The following SLC6A3 variants were observed in gnomAD, a reference collection of about 807,000 sequenced individuals.
The protein encoded by SLC6A3 is sodium-dependent dopamine transporter.
SLC6A3 carries 19 observed loss-of-function variants against 70.4 expected under a neutral mutation model. The observed-to-expected ratio is 0.27, with a 90% CI of 0.19 to 0.40. The LOEUF (loss-of-function observed/expected upper bound fraction) is 0.40. SLC6A3 is among the 10% of genes least tolerant of loss of function. The pLI, the probability that SLC6A3 is intolerant of heterozygous loss-of-function variation, is 1.00. For synonymous variants in SLC6A3, 368 were observed against 356.6 expected, an observed-to-expected ratio of 1.03 and a Z score of -0.36; for missense variants, 613 against 838.5, an observed-to-expected ratio of 0.73 and a Z score of 3.32.
chr5:1,443,835 G>A (rs1209297454), intron 1 of SLC6A3, among the ~76,000 whole-genome samples: 3 of 151,314 alleles, frequency 2.0e-5, no homozygotes, highest in African/African-American at 7.3e-5. Flanking sequence ...CACCGGCTAA[G>A]TTATTTTTGT....
In SLC6A3 at chr5:1,396,763, G is replaced by T. The variant is rs1004693678; in HGVS notation, c.1840-2005C>A. ...GCCAGGAGAATGTCATGATTCTCGG[G>T]GATCTGCATGGGGTGTGCATAAGGT... On this transcript the variant is annotated intron_variant, in intron 14 of 14. Coordinates refer to ENST00000270349, the MANE Select transcript of SLC6A3 (RefSeq NM_001044.5). This position sits in a 1 kb window ranked among gnomAD's most constrained non-coding sequence, Gnocchi z 7.0. Among the ~76,000 whole-genome samples the T allele has an allele frequency of 6.6e-6, 1 of 152,202 alleles. No homozygotes were observed. The highest frequency in any genetic ancestry group is 1.5e-5 in the Non-Finnish European group (1 of 68,042).
At chr5:1,409,651 G>T in intron 10 of SLC6A3, 70 bp downstream of exon 10, 1 of 1,591,172 alleles carries the variant, frequency 6.3e-7, no homozygotes, top group South Asian at 1.1e-5. Context: ...GACAGTCCCA[G>T]CCAGGGCGCC....
rs182247198 is a variant in SLC6A3, at chr5:1,404,243, G to A, written c.1600-1154C>T. ...GGACTGGGATGGGGGCTGGGGTTGTGTCTGTCACGTGACCAGAGCCAGGGT... is the reference window on the plus strand; with the variant it reads ...GGACTGGGATGGGGGCTGGGGTTGTATCTGTCACGTGACCAGAGCCAGGGT... On this transcript the variant is annotated intron_variant, in intron 12 of 14. Transcript: ENST00000270349. The surrounding 1 kb of genome is among the most constrained non-coding windows in gnomAD (Gnocchi z 5.2). Among the ~76,000 whole-genome samples the A allele has an allele frequency of 8.9e-4, 136 of 152,350 alleles. 3 individuals are homozygous for A. The East Asian group carries it at 0.026, about 29-fold the overall frequency.
chr5:1,426,445 C>A (rs764037108), intron 4 of SLC6A3, among the ~76,000 whole-genome samples: 42 of 152,132 alleles, frequency 2.8e-4, no homozygotes, highest in Non-Finnish European at 5.4e-4. Context: ...GAGTCTGAGG[C>A]AGGAGGATTG....
rs376015219 is a variant in SLC6A3, at chr5:1,400,983, G to A, written c.1771C>T (p.Leu591=). Reference sequence around the variant, plus strand: ...TTCTCGGGTGCAATGGCGTAGGCCAGTTTCTGAAAGAGAAAGAGAGTGCAG... The same window carrying A: ...TTCTCGGGTGCAATGGCGTAGGCCAATTTCTGAAAGAGAAAGAGAGTGCAG... ...CSLPGSFREK[L]AYAIAPEKDR... The change falls in exon 14 of 15, where the codon CTG becomes TTG. Residue 591 remains leucine, a synonymous_variant. Coordinates refer to ENST00000270349, the MANE Select transcript of SLC6A3 (RefSeq NM_001044.5). 18 of 1,593,968 alleles carry A rather than the reference G, an allele frequency of 1.1e-5. No individual in the cohort carries two copies. Among genetic ancestry groups the A allele is most frequent in the Non-Finnish European group, 1.5e-5 (17 of 1,168,092 alleles).
At chr5:1,416,338 A>G (rs1354201769) in intron 6 of SLC6A3, 137 bp from the exon 7 acceptor site, 1 of 709,818 alleles carries the variant, frequency 1.4e-6, no homozygotes, top group East Asian at 2.7e-5. Flanking sequence ...AAATGGCAGC[A>G]GACGACTGGT....
Position 1,411,114 on chromosome 5 carries a change from G to C in SLC6A3, c.1269+129C>G. ...CCAAATAATCACGGGGCTCGCCCAAGTCAAGGACAGGAGGTCTGGGGGCCG... is the reference window on the plus strand; with the variant it reads ...CCAAATAATCACGGGGCTCGCCCAACTCAAGGACAGGAGGTCTGGGGGCCG... On this transcript the variant is annotated intron_variant, in intron 9 of 14. Coordinates refer to ENST00000270349, the MANE Select transcript of SLC6A3 (RefSeq NM_001044.5). This position sits in a 1 kb window ranked among gnomAD's most constrained non-coding sequence, Gnocchi z 6.5. 2 of 716,262 alleles carry C rather than the reference G, an allele frequency of 2.8e-6. No homozygotes were observed. Among genetic ancestry groups the C allele is most frequent in the South Asian group, 3.0e-5 (2 of 67,454 alleles). The allele number at this position is 716,262 out of a possible 1,614,324, so 44.4% of individuals were successfully genotyped here.
At chr5:1,400,886 G>A in intron 14 of SLC6A3, 29 bp downstream of exon 14, 1 of 1,520,848 alleles carries the variant, frequency 6.6e-7, no homozygotes, top group Non-Finnish European at 9.0e-7. Flanking sequence ...ATTCCCCCGA[G>A]AGAGGCCCAG....
At position 1,438,000 on chromosome 5, in the gene SLC6A3, A is replaced by G. The variant is rs1756879836; in HGVS notation, c.418+3359T>C. The stretch of plus-strand genomic sequence containing the variant: ...TGGTGTACATCTGATTTCATAAGCA[A>G]TGTCAGTCTCCTCTAAACTGGCATC... On this transcript the variant is annotated intron_variant, in intron 3 of 14. Coordinates refer to ENST00000270349, the MANE Select transcript of SLC6A3 (RefSeq NM_001044.5). This position sits in a 1 kb window ranked among gnomAD's most constrained non-coding sequence, Gnocchi z 4.8. Among the ~76,000 whole-genome samples the G allele has an allele frequency of 6.6e-6, 1 of 152,190 alleles. No individual in the cohort carries two copies.
At chr5:1,418,807 C>T (rs887969241) in intron 6 of SLC6A3, among the ~76,000 whole-genome samples, 1 of 150,890 alleles carries the variant, frequency 6.6e-6, no homozygotes, top group Non-Finnish European at 1.5e-5. Flanking sequence ...CCCAAACATC[C>T]ATCATCCAGC....
At position 1,393,441 on chromosome 5, in the gene SLC6A3, G is replaced by A. The variant is rs1168242901; in HGVS notation, c.*1294C>T. 1.3e-5 allele frequency: 2 copies of A among 152,966 alleles called. No homozygotes were observed. Among genetic ancestry groups the A allele is most frequent in the Admixed American group, 6.5e-5 (1 of 15,298 alleles). 9.5% of individuals were successfully genotyped at this position (152,966 alleles called of 1,614,324 possible). Reference sequence around the variant, plus strand: ...TTTGTTTTGATTCACAGGTAAATATGATTTTAAAAAGCCATTCGCAAACAT... The same window carrying A: ...TTTGTTTTGATTCACAGGTAAATATAATTTTAAAAAGCCATTCGCAAACAT... On this transcript the variant is annotated 3_prime_UTR_variant, in exon 15 of 15. Transcript: ENST00000270349.
chr5:1,439,915 G>A (rs1459779736), intron 3 of SLC6A3, among the ~76,000 whole-genome samples: 4 of 152,214 alleles, frequency 2.6e-5, no homozygotes, highest in Non-Finnish European at 4.4e-5. Flanking sequence ...AACGACCCCG[G>A]CCCTCTGGTC....
rs1175904547 is a variant in SLC6A3 at position 1,438,376 on chromosome 5, C to T, written c.418+2983G>A. 2.6e-5 allele frequency among the ~76,000 whole-genome samples: 4 copies of T among 152,140 alleles called. No homozygotes were observed. The highest frequency in any genetic ancestry group is 4.8e-5 in the African/African-American group (2 of 41,440). On this transcript the variant is annotated intron_variant, in intron 3 of 14. Transcript: ENST00000270349. The surrounding 1 kb of genome is among the most constrained non-coding windows in gnomAD (Gnocchi z 6.5). ...CACAGGGTCTGTGACACAGAGGAGA[C>T]GACTGCCCAGCTTACCCCGGCTGCG...
At chr5:1,427,878 T>C (rs1272020868) in intron 4 of SLC6A3, among the ~76,000 whole-genome samples, 1 of 152,086 alleles carries the variant, frequency 6.6e-6, no homozygotes, top group Non-Finnish European at 1.5e-5. Flanking sequence ...TGAAAAGAAA[T>C]AGACAAATCT....
rs1385370035 is a variant in SLC6A3, at chr5:1,401,155, C to T, written c.1768-169G>A. On this transcript the variant is annotated intron_variant, in intron 13 of 14. Transcript: ENST00000270349. This position sits in a 1 kb window ranked among gnomAD's most constrained non-coding sequence, Gnocchi z 6.1. ...CCATATCACCAGCGCCCACCACTGACTTACACTGCCAGTGCCCATGCCGAC... is the reference window on the plus strand; with the variant it reads ...CCATATCACCAGCGCCCACCACTGATTTACACTGCCAGTGCCCATGCCGAC... The T allele has an allele frequency of 1.4e-6, 1 of 704,414 alleles. No individual in the cohort carries two copies. Among genetic ancestry groups the T allele is most frequent in the Admixed American group, 2.0e-5 (1 of 49,974 alleles). 43.6% of individuals were successfully genotyped at this position (704,414 alleles called of 1,614,324 possible). A position where few individuals can be genotyped will look rare whatever the true frequency, so the allele number is the denominator to read the frequency against.
chr5:1,420,074 C>T (rs1244614532), intron 6 of SLC6A3, among the ~76,000 whole-genome samples: 1 of 152,224 alleles, frequency 6.6e-6, no homozygotes, highest in Non-Finnish European at 1.5e-5. Context: ...GCATTGTCCT[C>T]CCACAGCAAC....
Position 1,442,809 on chromosome 5 carries a change from G to C in SLC6A3, c.286+103C>G, listed in dbSNP as rs1285048504. The C allele has an allele frequency of 8.3e-7, 1 of 1,201,698 alleles. No homozygotes were observed. The highest frequency in any genetic ancestry group is 2.0e-4 in the Middle Eastern group (1 of 5,086). 74.4% of individuals were successfully genotyped at this position (1,201,698 alleles called of 1,614,324 possible). On this transcript the variant is annotated intron_variant, in intron 2 of 14. Transcript: ENST00000270349. The surrounding 1 kb of genome is among the most constrained non-coding windows in gnomAD (Gnocchi z 5.0). Reference sequence around the variant, plus strand: ...CTCTCACAGGGAGCTCCGTCTTCACGCATGGGAACAGCTTCATCTCGTTTC... The same window carrying C: ...CTCTCACAGGGAGCTCCGTCTTCACCCATGGGAACAGCTTCATCTCGTTTC...
rs1314084500 is a variant in SLC6A3 at position 1,416,339 on chromosome 5, G to A, written c.928-138C>T. The A allele has an allele frequency of 1.6e-5, 11 of 707,310 alleles. No homozygotes were observed. The South Asian group carries it at 1.6e-4, about 11-fold the overall frequency. The allele number at this position is 707,310 out of a possible 1,614,324, so 43.8% of individuals were successfully genotyped here. ...CATCCTCAAGAAGTAAATGGCAGCA[G>A]ACGACTGGTGGAAGATGCAGCCTCA... On this transcript the variant is annotated intron_variant, in intron 6 of 14. Coordinates refer to ENST00000270349, the MANE Select transcript of SLC6A3 (RefSeq NM_001044.5).
Position 1,414,743 on chromosome 5 carries a change from C to T in SLC6A3, c.1104G>A (p.Leu368=), listed in dbSNP as rs771571996. 2.6e-5 allele frequency: 42 copies of T among 1,612,698 alleles called. No individual in the cohort carries two copies. The highest frequency in any genetic ancestry group is 3.5e-5 in the Non-Finnish European group (41 of 1,179,878). The change falls in exon 8 of 15, where the codon CTG becomes CTA. Residue 368 remains leucine (L), a synonymous_variant. Coordinates refer to ENST00000270349, the MANE Select transcript of SLC6A3 (RefSeq NM_001044.5). ...CACTGTGCTTCTGTGCCATGTACCC[C>T]AGGAAGGAGAAGACGACGAAGCCGG... ...FSSGFVVFSF[L]GYMAQKHSVP... is the part of the protein sequence containing the mutation.
Sources: gnomAD v4.1 joint callset for allele counts (sites outside exome capture counted in the v4.1 genomes callset) on GRCh38, gnomAD v4.1.1 for gene constraint, Gnocchi (gnomAD v3.1) non-coding constraint, MANE v1.5 for transcripts, NCBI Gene and HGNC (gene_info 2026-07-23, HGNC 2026-07-21) for gene names.